RANBP9: variants seen among roughly 807,000 people sequenced by gnomAD.
RANBP9 encodes RAN binding protein 9, also known as ran-binding protein 9.
In RANBP9, 15 loss-of-function variants were observed where a neutral mutation model predicts 84.3. The ratio of observed to expected loss-of-function variants is 0.18; its 90% CI spans 0.12 to 0.27. The LOEUF is 0.27. Among genes scored for constraint, RANBP9 ranks in the 10% least tolerant of loss-of-function variants. The probability of loss-of-function intolerance (pLI) is 1.00; values close to 1 mark genes in which losing one functional copy is unlikely to be tolerated. For synonymous variants in RANBP9, 392 were observed against 349.6 expected, an observed-to-expected ratio of 1.12 and a Z score of -1.35; for missense variants, 809 against 912.8, an observed-to-expected ratio of 0.89 and a Z score of 1.46.
At chr6:13,645,286 G>A (rs1213004907) in intron 5 of RANBP9, among the ~76,000 whole-genome samples, 1 of 152,034 alleles carries the variant, frequency 6.6e-6, no homozygotes, top group Admixed American at 6.6e-5. Context: ...CACAGTGCCA[G>A]GAAGAGTGGA....
intron 12 of RANBP9, among the ~76,000 whole-genome samples, chr6:13,631,690 C>A (rs1459066085): frequency 6.6e-6 from 1 of 152,152 alleles, no homozygotes; most frequent in African/African-American, 2.4e-5. Flanking sequence ...AAAATGTTTA[C>A]AATGAACCAA....
intron 12 of RANBP9, among the ~76,000 whole-genome samples, chr6:13,628,012 C>T (rs1448231817): frequency 1.3e-5 from 2 of 152,146 alleles, no homozygotes; most frequent in African/African-American, 4.8e-5. Context: ...TTTAAAAACT[C>T]AGAGAAAAAG....
chr6:13,636,960 T>C (rs373359597), intron 10 of RANBP9, among the ~76,000 whole-genome samples: 2 of 152,254 alleles, frequency 1.3e-5, no homozygotes, highest in Non-Finnish European at 2.9e-5. Flanking sequence ...AATGTGGCAC[T>C]GATGACCATT....
intron 2 of RANBP9, among the ~76,000 whole-genome samples, chr6:13,684,684 G>C (rs974060412): frequency 6.6e-6 from 1 of 152,218 alleles, no homozygotes; most frequent in African/African-American, 2.4e-5. Flanking sequence ...CACAGATAAA[G>C]CTGTGGCAAA....
At position 13,657,910 on chromosome 6, in the gene RANBP9, T is replaced by C. The variant is rs7757461; in HGVS notation, c.737-634A>G. ...TGATTACAATCAGATGCAACTACAT[T>C]GTCTTGGTTTGTTTCTTTAAGGTAC... On this transcript the variant is annotated intron_variant, in intron 3 of 13. Coordinates refer to ENST00000011619, the MANE Select transcript of RANBP9 (RefSeq NM_005493.3). Among the ~76,000 whole-genome samples, 576 of 152,316 alleles carry C rather than the reference T, an allele frequency of 3.8e-3. 3 individuals carry two copies. The highest frequency in any genetic ancestry group is 0.013 in the African/African-American group (561 of 41,572).
intron 2 of RANBP9, among the ~76,000 whole-genome samples, chr6:13,688,119 C>G (rs941872583): frequency 5.3e-5 from 8 of 152,178 alleles, no homozygotes. Context: ...GTAATTTAGT[C>G]TTATGAGGTT....
chr6:13,682,096 A>G (rs1440610085), intron 2 of RANBP9, among the ~76,000 whole-genome samples: 1 of 152,142 alleles, frequency 6.6e-6, no homozygotes, highest in African/African-American at 2.4e-5. Flanking sequence ...TCCTGACCTC[A>G]GGTGTTCCTC....
At chr6:13,674,634 C>G (rs956138428) in intron 2 of RANBP9, among the ~76,000 whole-genome samples, 2 of 152,188 alleles carry the variant, frequency 1.3e-5, no homozygotes, top group Non-Finnish European at 2.9e-5. Context: ...AGTGTTTCTT[C>G]TGATTAGGCA....
chr6:13,694,336 T>TAAAA (rs1766391448), intron 2 of RANBP9, among the ~76,000 whole-genome samples: 2 of 152,224 alleles, frequency 1.3e-5, no homozygotes, highest in Admixed American at 1.3e-4. Context: ...AGGACTGTTC[T>TAAAA]ATGAATATAT....
intron 2 of RANBP9, among the ~76,000 whole-genome samples, chr6:13,677,550 A>G (rs553503425): frequency 4.6e-5 from 7 of 152,312 alleles, no homozygotes; most frequent in South Asian, 2.1e-4. Context: ...TATGAATATA[A>G]TAAGACTTAA....
chr6:13,696,870 C>A lies in RANBP9; in HGVS notation c.598G>T (p.Ala200Ser). 1 of 1,612,918 alleles carries A rather than the reference C, an allele frequency of 6.2e-7. No homozygotes were observed. Among genetic ancestry groups the A allele is most frequent in the Non-Finnish European group, 8.5e-7 (1 of 1,179,376 alleles). Residue 200 changes from alanine (A) to serine (S), a missense_variant, in exon 2 of 14, where the codon GCG becomes TCG. Transcript: ENST00000011619. ...ATTGGATGCGTGGCTCGAACTGACG[C>A]GGCATCTTTTGGGGTTTTGCCATGA... Reference protein sequence around the residue: ...KGHGKTPKDAASVRATHPIPA... With the variant: ...KGHGKTPKDASSVRATHPIPA...
At position 13,640,173 on chromosome 6, in the gene RANBP9, T is replaced by C. The variant is rs1312309323; in HGVS notation, c.1335-420A>G. Among the ~76,000 whole-genome samples, 3 of 152,166 alleles carry C rather than the reference T, an allele frequency of 2.0e-5. No individual in the cohort carries two copies. The East Asian group carries it at 5.8e-4, about 29-fold the overall frequency. On this transcript the variant is annotated intron_variant, in intron 8 of 13. Transcript: ENST00000011619. The stretch of plus-strand genomic sequence containing the variant: ...CCCCACCCGTCCCATTCCCAACCTC[T>C]TAACCAAAATGGGCCTCATTTAAAA...
intron 1 of RANBP9, among the ~76,000 whole-genome samples, chr6:13,704,585 C>T (rs1411689153): frequency 6.6e-6 from 1 of 151,510 alleles, no homozygotes; most frequent in Non-Finnish European, 1.5e-5. Flanking sequence ...GAGCCTAGAT[C>T]GCACCACTGC....
At chr6:13,625,892 T>C (rs1764588148) in intron 12 of RANBP9, 128 bp from the exon 13 acceptor site, 1 of 603,780 alleles carries the variant, frequency 1.7e-6, no homozygotes, top group Non-Finnish European at 3.0e-6. Context: ...TAAACCCATT[T>C]ACTCCCAGCA....
At chr6:13,648,555 GTA>G (rs993393665) in intron 5 of RANBP9, among the ~76,000 whole-genome samples, 76 of 152,248 alleles carry the variant, frequency 5.0e-4, no homozygotes, top group African/African-American at 1.8e-3. Flanking sequence ...ATGTAGAATA[GTA>G]TATAGACAGA....
chr6:13,684,406 C>G (rs1322555718), intron 2 of RANBP9, among the ~76,000 whole-genome samples: 1 of 152,132 alleles, frequency 6.6e-6, no homozygotes. Context: ...TTTTCCCTAC[C>G]CAGCCTGAAC....
chr6:13,642,419 T>C lies in RANBP9; in HGVS notation c.1225+60A>G, dbSNP rs1325938509. ...TTAAAAAAACAAAATTTCTAAAAATTAAAGTAACCAAATCTATAATCTGAA... is the reference window on the plus strand; with the variant it reads ...TTAAAAAAACAAAATTTCTAAAAATCAAAGTAACCAAATCTATAATCTGAA... On this transcript the variant is annotated intron_variant, in intron 7 of 13. Coordinates refer to ENST00000011619, the MANE Select transcript of RANBP9 (RefSeq NM_005493.3). The C allele has an allele frequency of 3.9e-6, 4 of 1,019,748 alleles. No individual in the cohort carries two copies. In the East Asian group the frequency reaches 9.1e-5, roughly 23 times the overall value. The allele number at this position is 1,019,748 out of a possible 1,614,324, so 63.2% of individuals were successfully genotyped here. A position where few individuals can be genotyped will look rare whatever the true frequency, so the allele number is the denominator to read the frequency against.
At chr6:13,656,339 T>C (rs1263439134) in intron 4 of RANBP9, among the ~76,000 whole-genome samples, 1 of 152,038 alleles carries the variant, frequency 6.6e-6, no homozygotes, top group East Asian at 1.9e-4. Flanking sequence ...CAGTAAAAGG[T>C]GAAATCTTTT....
At chr6:13,646,277 C>T (rs1226225159) in intron 5 of RANBP9, among the ~76,000 whole-genome samples, 5 of 152,078 alleles carry the variant, frequency 3.3e-5, no homozygotes, top group African/African-American at 7.2e-5. Context: ...GGTGTGGTGG[C>T]GCATGCCTGT....
Sources: gnomAD v4.1 joint callset for allele counts (sites outside exome capture counted in the v4.1 genomes callset) on GRCh38, gnomAD v4.1.1 for gene constraint, MANE v1.5 for transcripts, NCBI Gene and HGNC (gene_info 2026-07-23, HGNC 2026-07-21) for gene names.